The following PATJ variants were observed in gnomAD, a reference collection of about 807,000 sequenced individuals.
PATJ encodes inaD-like protein.
Under a neutral mutation model 224.9 loss-of-function variants are expected in PATJ, and 190 were observed. The observed-to-expected ratio is 0.84, with a 90% CI of 0.75 to 0.95. The LOEUF is 0.95. Among genes scored for constraint, PATJ ranks in the 40% least tolerant of loss-of-function variants. PATJ has a pLI of 0.00. For missense variants in PATJ, 2,121 were observed against 2,270.3 expected (o/e 0.93, Z 1.34); for synonymous variants, 769 against 820.3 (o/e 0.94, Z 1.07).
intron 28 of PATJ, among the ~76,000 whole-genome samples, chr1:62,003,989 T>TC (rs1163357871): frequency 6.6e-6 from 1 of 152,166 alleles, no homozygotes; most frequent in African/African-American, 2.4e-5. Flanking sequence ...CATATGCTTT[T>TC]CCCCAGTCAT....
intron 27 of PATJ, among the ~76,000 whole-genome samples, chr1:61,966,704 G>T (rs879330555): frequency 7.2e-6 from 1 of 138,258 alleles, no homozygotes; most frequent in East Asian, 2.0e-4. Flanking sequence ...AAAAAAAAAA[G>T]CAAGTTTATT....
intron 27 of PATJ, among the ~76,000 whole-genome samples, chr1:61,935,861 C>T (rs1027394297): frequency 1.3e-5 from 2 of 151,734 alleles, no homozygotes; most frequent in South Asian, 2.1e-4. Context: ...CTTGCATCTT[C>T]ATGTTTTACT....
At chr1:61,900,111 G>GT (rs1021848878) in intron 23 of PATJ, among the ~76,000 whole-genome samples, 1 of 152,188 alleles carries the variant, frequency 6.6e-6, no homozygotes, top group Non-Finnish European at 1.5e-5. Flanking sequence ...TCTGGGGGAA[G>GT]TTTTAAGTAC....
intron 1 of PATJ, among the ~76,000 whole-genome samples, chr1:61,755,082 T>C (rs1570272071): frequency 6.6e-6 from 1 of 151,400 alleles, no homozygotes; most frequent in African/African-American, 2.4e-5. Flanking sequence ...CCGAGGCGGG[T>C]TGGTCACGAG....
At chr1:62,105,529 G>C (rs1179798118) in intron 33 of PATJ, among the ~76,000 whole-genome samples, 2 of 152,106 alleles carry the variant, frequency 1.3e-5, no homozygotes, top group African/African-American at 2.4e-5. Context: ...AGGGATCACC[G>C]CAAGCCACTG....
chr1:61,805,152 A>C (rs1653276313), intron 12 of PATJ, among the ~76,000 whole-genome samples: 1 of 152,200 alleles, frequency 6.6e-6, no homozygotes, highest in Non-Finnish European at 1.5e-5. Context: ...TATAAACTGT[A>C]TATAATTTAA....
In PATJ at chr1:62,147,598, A is replaced by G. The variant is rs150530152; in HGVS notation, c.5272-686A>G. Reference sequence around the variant, plus strand: ...CGGATCACCTGAGGTCAGGAGTTCAAGACCAGCCTGGCCAACATGGTGAAA... The same window carrying G: ...CGGATCACCTGAGGTCAGGAGTTCAGGACCAGCCTGGCCAACATGGTGAAA... On this transcript the variant is annotated intron_variant, in intron 41 of 43. Coordinates refer to ENST00000642238, the MANE Select transcript of PATJ (RefSeq NM_001350145.3). Among the ~76,000 whole-genome samples, 1,103 of 152,274 alleles carry G rather than the reference A, an allele frequency of 7.2e-3. 11 individuals carry two copies. The highest frequency in any genetic ancestry group is 0.025 in the African/African-American group (1,042 of 41,546).
intron 27 of PATJ, among the ~76,000 whole-genome samples, chr1:61,956,987 C>T (rs1000768515): frequency 6.6e-6 from 1 of 152,156 alleles, no homozygotes. Context: ...GGCCTGTGCT[C>T]CTGTTTCTTT....
chr1:62,115,449 T>G (rs1664349922), intron 35 of PATJ, among the ~76,000 whole-genome samples: 1 of 151,888 alleles, frequency 6.6e-6, no homozygotes, highest in Non-Finnish European at 1.5e-5. Flanking sequence ...TCTGGCAACA[T>G]AGCAAGACTT....
rs560327940 is a variant in PATJ, at chr1:61,988,123, T to C, written c.3671-2045T>C. The stretch of plus-strand genomic sequence containing the variant: ...CTGAGGCACAAGAATCGCTTGAACC[T>C]GGGAGGTGGAGGTTGCCCTGACCCA... On this transcript the variant is annotated intron_variant, in intron 27 of 43. Coordinates refer to ENST00000642238, the MANE Select transcript of PATJ (RefSeq NM_001350145.3). Among the ~76,000 whole-genome samples, 10 of 152,230 alleles carry C rather than the reference T, an allele frequency of 6.6e-5. No individual in the cohort carries two copies. In the South Asian group the frequency reaches 1.7e-3, roughly 25 times the overall value.
intron 28 of PATJ, among the ~76,000 whole-genome samples, chr1:61,996,643 T>G (rs2149578852): frequency 6.6e-6 from 1 of 152,214 alleles, no homozygotes; most frequent in African/African-American, 2.4e-5. Context: ...AACAGTAGTT[T>G]GAGGAACAGG....
At chr1:61,901,166 A>G (rs1226138255) in intron 23 of PATJ, 116 bp from the exon 24 acceptor site, 5 of 500,204 alleles carry the variant, frequency 1.0e-5, no homozygotes, top group South Asian at 1.3e-4. Flanking sequence ...TTGTAAAAAT[A>G]TATTTCAAAA....
intron 30 of PATJ, among the ~76,000 whole-genome samples, chr1:62,049,070 G>C (rs1570321773): frequency 6.6e-6 from 1 of 152,002 alleles, no homozygotes; most frequent in African/African-American, 2.4e-5. Flanking sequence ...TAAAGTCCAT[G>C]CTGCTTGCTT....
Position 62,073,288 on chromosome 1 carries a change from G to T in PATJ, c.4126-6162G>T, listed in dbSNP as rs901484853. On this transcript the variant is annotated intron_variant, in intron 31 of 43. Transcript: ENST00000642238. ...CTGTGCAAGTTGATGCAAATATCTTGTGTTCACCTCTCTGTCCCAACCCCC... is the reference window on the plus strand; with the variant it reads ...CTGTGCAAGTTGATGCAAATATCTTTTGTTCACCTCTCTGTCCCAACCCCC... 3.0e-6 allele frequency: 3 copies of T among 985,144 alleles called. No homozygotes were observed. The African/African-American group carries it at 5.2e-5, about 17-fold the overall frequency. 61.0% of individuals were successfully genotyped at this position (985,144 alleles called of 1,614,324 possible). A position where few individuals can be genotyped will look rare whatever the true frequency, so the allele number is the denominator to read the frequency against.
At chr1:62,017,251 TA>T (rs1646819007) in intron 28 of PATJ, among the ~76,000 whole-genome samples, 1 of 151,780 alleles carries the variant, frequency 6.6e-6, no homozygotes, top group Admixed American at 6.6e-5. Flanking sequence ...CCATCTCTAC[TA>T]AAAATACAAA....
At chr1:61,986,051 A>C (rs1644739782) in intron 27 of PATJ, among the ~76,000 whole-genome samples, 1 of 152,004 alleles carries the variant, frequency 6.6e-6, no homozygotes, top group African/African-American at 2.4e-5. Flanking sequence ...ATAGAGGTTT[A>C]GTAATTGGTC....
chr1:61,876,788 A>C (rs1557803981), intron 21 of PATJ, among the ~76,000 whole-genome samples: 1 of 152,212 alleles, frequency 6.6e-6, no homozygotes, highest in Non-Finnish European at 1.5e-5. Context: ...ATTTATCTGC[A>C]GAACAATGAA....
intron 25 of PATJ, among the ~76,000 whole-genome samples, chr1:61,910,424 A>G (rs924227469): frequency 6.6e-6 from 1 of 151,900 alleles, no homozygotes; most frequent in Non-Finnish European, 1.5e-5. Context: ...TCAGTTCATC[A>G]GGCATTGAAC....
chr1:61,871,525 A>ATGTGTG (rs1403314055), intron 20 of PATJ, among the ~76,000 whole-genome samples: 38 of 118,502 alleles, frequency 3.2e-4, no homozygotes, highest in African/African-American at 6.9e-4. Context: ...ATATATAAAT[A>ATGTGTG]TGTGTGTGTG....
Sources: gnomAD v4.1 joint callset for allele counts (sites outside exome capture counted in the v4.1 genomes callset) on GRCh38, gnomAD v4.1.1 for gene constraint, MANE v1.5 for transcripts, NCBI Gene and HGNC (gene_info 2026-07-23, HGNC 2026-07-21) for gene names.